C12orf50: variants seen among roughly 807,000 people sequenced by gnomAD.
C12orf50 encodes uncharacterized protein C12orf50.
In C12orf50, 35 loss-of-function variants were observed where a neutral mutation model predicts 61.6. The ratio of observed to expected loss-of-function variants is 0.57; its 90% CI spans 0.43 to 0.75. C12orf50 has a LOEUF of 0.75. Among genes scored for constraint, C12orf50 ranks in the 30% least tolerant of loss-of-function variants. The pLI is 0.00. For synonymous variants in C12orf50, 178 were observed against 161.5 expected, an observed-to-expected ratio of 1.10 and a Z score of -0.77; for missense variants, 475 against 488.5, an observed-to-expected ratio of 0.97 and a Z score of 0.26.
intron 3 of C12orf50, among the ~76,000 whole-genome samples, chr12:88,024,080 C>G (rs568618202): frequency 1.3e-5 from 2 of 152,184 alleles, no homozygotes; most frequent in East Asian, 3.9e-4. Flanking sequence ...TAATGAAATA[C>G]CACCTCATAC....
intron 3 of C12orf50, among the ~76,000 whole-genome samples, chr12:88,025,442 G>A (rs2136503999): frequency 6.6e-6 from 1 of 152,094 alleles, no homozygotes; most frequent in East Asian, 1.9e-4. Flanking sequence ...AGGGAAGGAG[G>A]TATAAAAAGC....
intron 3 of C12orf50, among the ~76,000 whole-genome samples, chr12:88,009,952 T>C (rs1416526237): frequency 6.6e-6 from 1 of 152,134 alleles, no homozygotes; most frequent in Non-Finnish European, 1.5e-5. Flanking sequence ...GCCTTTTACA[T>C]TTTGATCAAT....
chr12:87,996,090 A>G (rs1360161681), intron 6 of C12orf50, among the ~76,000 whole-genome samples: 1 of 152,208 alleles, frequency 6.6e-6, no homozygotes, highest in African/African-American at 2.4e-5. Flanking sequence ...GATTTATTTC[A>G]AAGACAAATA....
chr12:87,985,471 C>T (rs1372580292), intron 11 of C12orf50: 1 of 192,490 alleles, frequency 5.2e-6, no homozygotes, highest in Non-Finnish European at 1.1e-5. Flanking sequence ...TGAAGGCCTA[C>T]AGAAAAGTCA....
At chr12:88,015,376 C>T (rs1047563039) in intron 3 of C12orf50, among the ~76,000 whole-genome samples, 2 of 152,092 alleles carry the variant, frequency 1.3e-5, no homozygotes, top group Non-Finnish European at 2.9e-5. Context: ...AGAAAGCTGA[C>T]CAAAGTTTAA....
intron 3 of C12orf50, among the ~76,000 whole-genome samples, chr12:88,010,944 A>G (rs958500823): frequency 3.3e-5 from 5 of 152,088 alleles, no homozygotes; most frequent in African/African-American, 1.2e-4. Context: ...CAACTTTCCT[A>G]TGAGATCACA....
intron 12 of C12orf50, among the ~76,000 whole-genome samples, chr12:87,982,814 T>C (rs1166683350): frequency 1.4e-5 from 2 of 145,872 alleles, no homozygotes; most frequent in East Asian, 3.9e-4. Flanking sequence ...AAAAAAAAAA[T>C]GCATCTTAAC....
intron 6 of C12orf50, 132 bp from the exon 7 acceptor site, chr12:87,994,875 T>A (rs2031310865): frequency 5.1e-6 from 3 of 590,864 alleles, no homozygotes; most frequent in South Asian, 2.3e-5. Flanking sequence ...AGTGATCTGA[T>A]AAACAATAAA....
intron 3 of C12orf50, among the ~76,000 whole-genome samples, chr12:88,003,560 A>T (rs2031735847): frequency 6.6e-6 from 1 of 152,012 alleles, no homozygotes; most frequent in Non-Finnish European, 1.5e-5. Context: ...TTATTTTTGA[A>T]ATACAGCATT....
intron 12 of C12orf50, among the ~76,000 whole-genome samples, chr12:87,981,499 G>C (rs2030467371): frequency 6.6e-6 from 1 of 152,116 alleles, no homozygotes; most frequent in African/African-American, 2.4e-5. Flanking sequence ...AAAGCTCCCA[G>C]GTGATGTCAT....
chr12:88,005,911 G>GTTTTTTTTTTTTTTTT (rs1491516748), intron 3 of C12orf50, among the ~76,000 whole-genome samples: 4 of 110,026 alleles, frequency 3.6e-5, no homozygotes, highest in African/African-American at 1.6e-4. Flanking sequence ...TTGTTTTTTT[G>GTTTTTTTTTTTTTTTT]GTTTTTTTTT....
intron 3 of C12orf50, among the ~76,000 whole-genome samples, chr12:88,006,074 G>A (rs1298654025): frequency 6.6e-6 from 1 of 151,812 alleles, no homozygotes; most frequent in African/African-American, 2.4e-5. Context: ...CCGCCACCAC[G>A]CCCCGCTAAT....
At chr12:88,026,852 G>A in intron 2 of C12orf50, 99 bp downstream of exon 2, 1 of 1,500,092 alleles carries the variant, frequency 6.7e-7, no homozygotes, top group Non-Finnish European at 8.9e-7. Flanking sequence ...AATAGTAGAA[G>A]GAAGAATGAT....
chr12:87,985,841 G>T lies in C12orf50; in HGVS notation c.1126+9C>A. ...GACAAGAGTAAACCACATCAACAAA[G>T]GACCTCACCTGGACTGAGGTTGGGT... On this transcript the variant is annotated intron_variant, in intron 11 of 12. Transcript: ENST00000298699. The T allele has an allele frequency of 6.2e-7, 1 of 1,611,300 alleles. No individual in the cohort carries two copies. Among genetic ancestry groups the T allele is most frequent in the Non-Finnish European group, 8.5e-7 (1 of 1,179,008 alleles).
intron 7 of C12orf50, among the ~76,000 whole-genome samples, chr12:87,991,494 G>A (rs965196378): frequency 5.3e-5 from 8 of 152,140 alleles, no homozygotes; most frequent in Admixed American, 4.6e-4. Context: ...GAGAGGAAGA[G>A]AATTAGTGAA....
intron 3 of C12orf50, among the ~76,000 whole-genome samples, chr12:88,002,872 T>C (rs1441428900): frequency 1.3e-5 from 2 of 151,792 alleles, no homozygotes; most frequent in Admixed American, 6.6e-5. Flanking sequence ...GCTTACTATA[T>C]GCTTCTTAAC....
At chr12:87,985,733 A>C in intron 11 of C12orf50, 117 bp downstream of exon 11, 31 of 928,386 alleles carry the variant, frequency 3.3e-5, no homozygotes, top group Non-Finnish European at 4.6e-5. Flanking sequence ...TATGGTGGTG[A>C]TGGCCAGGGT....
At chr12:88,028,405 A>G (rs2032783929) in intron 1 of C12orf50, among the ~76,000 whole-genome samples, 1 of 152,196 alleles carries the variant, frequency 6.6e-6, no homozygotes, top group African/African-American at 2.4e-5. Flanking sequence ...TTCTTGCATG[A>G]GCACAAAGCT....
chr12:88,026,368 C>T (rs1592690035), intron 3 of C12orf50, 120 bp downstream of exon 3: 1 of 1,076,250 alleles, frequency 9.3e-7, no homozygotes, highest in Non-Finnish European at 1.3e-6. Flanking sequence ...CCAAATTACC[C>T]ATTGGCTATT....
Sources: allele counts gnomAD v4.1 joint callset (sites outside exome capture counted in the v4.1 genomes callset), GRCh38; gene constraint gnomAD v4.1.1; transcripts MANE v1.5; gene names NCBI Gene and HGNC (gene_info 2026-07-23, HGNC 2026-07-21).